The following CPNE4 variants were observed in gnomAD, a reference collection of about 807,000 sequenced individuals.
The protein encoded by CPNE4 is copine-4.
A neutral mutation model predicts 67.9 loss-of-function variants in CPNE4; 25 were observed. That is an observed-to-expected ratio of 0.37 (90% CI 0.27 to 0.51). The LOEUF (loss-of-function observed/expected upper bound fraction) is 0.51. Among genes scored for constraint, CPNE4 ranks in the 20% least tolerant of loss-of-function variants. The probability of loss-of-function intolerance (pLI) is 0.93; values close to 1 mark genes in which losing one functional copy is unlikely to be tolerated. For missense variants in CPNE4, 464 were observed against 690.8 expected (o/e 0.67, Z 3.68); for synonymous variants, 242 against 244.9 (o/e 0.99, Z 0.11).
intron 2 of CPNE4, among the ~76,000 whole-genome samples, chr3:131,832,607 T>C (rs918267561): frequency 6.6e-6 from 1 of 152,202 alleles, no homozygotes; most frequent in Non-Finnish European, 1.5e-5. Flanking sequence ...TCTTATTTCT[T>C]CCTTTTGGAA....
intron 7 of CPNE4, among the ~76,000 whole-genome samples, chr3:131,640,466 G>T (rs1012368663): frequency 6.6e-6 from 1 of 152,076 alleles, no homozygotes; most frequent in Non-Finnish European, 1.5e-5. Flanking sequence ...CCAAGGATGT[G>T]AAAGACTTCT....
chr3:131,536,406 C>A (rs1285231248), intron 15 of CPNE4, among the ~76,000 whole-genome samples: 1 of 152,194 alleles, frequency 6.6e-6, no homozygotes, highest in Non-Finnish European at 1.5e-5. Context: ...CAAGCAATTT[C>A]AATGGCCTGA....
intron 2 of CPNE4, among the ~76,000 whole-genome samples, chr3:131,782,170 G>A (rs1234169573): frequency 6.6e-6 from 1 of 152,062 alleles, no homozygotes; most frequent in Admixed American, 6.6e-5. Context: ...CAACCAAGGA[G>A]GTCAAGCTTT....
chr3:131,977,614 T>C (rs762815737), intron 1 of CPNE4, among the ~76,000 whole-genome samples: 14 of 152,144 alleles, frequency 9.2e-5, no homozygotes, highest in South Asian at 8.3e-4. Flanking sequence ...ACTGCTATGG[T>C]ATTCAGTTTC....
chr3:131,961,121 T>C (rs1004541266), intron 1 of CPNE4, among the ~76,000 whole-genome samples: 3 of 152,190 alleles, frequency 2.0e-5, no homozygotes, highest in Non-Finnish European at 4.4e-5. Context: ...TGGTTCTTCA[T>C]CCAGGGCATT....
intron 3 of CPNE4, among the ~76,000 whole-genome samples, chr3:131,715,253 T>C (rs1481290653): frequency 1.3e-5 from 2 of 152,118 alleles, no homozygotes; most frequent in East Asian, 3.9e-4. Context: ...GTAAATTCAG[T>C]AGAGAAGCCC....
intron 2 of CPNE4, among the ~76,000 whole-genome samples, chr3:131,735,658 A>T (rs948167617): frequency 6.6e-6 from 1 of 152,264 alleles, no homozygotes; most frequent in Non-Finnish European, 1.5e-5. Flanking sequence ...GTGTTAAGAA[A>T]ATATACATCT....
At chr3:131,724,993 C>A (rs966901015) in intron 2 of CPNE4, among the ~76,000 whole-genome samples, 2 of 152,038 alleles carry the variant, frequency 1.3e-5, no homozygotes, top group African/African-American at 2.4e-5. Flanking sequence ...CTAGAGATAC[C>A]CATCCTTCCT....
rs185449298 is a variant in CPNE4, at chr3:131,734,251, C to T, written c.181-10626G>A. ...ACTTTGTTGTAAATCAGGAGGCAGTCACCCCTCCATAACACTTTGCTCTTA... is the reference window on the plus strand; with the variant it reads ...ACTTTGTTGTAAATCAGGAGGCAGTTACCCCTCCATAACACTTTGCTCTTA... On this transcript the variant is annotated intron_variant, in intron 2 of 15. Coordinates refer to ENST00000429747, the MANE Select transcript of CPNE4 (RefSeq NM_130808.3). 2.0e-5 allele frequency among the ~76,000 whole-genome samples: 3 copies of T among 152,306 alleles called. No individual in the cohort carries two copies. In the East Asian group the frequency reaches 5.8e-4, roughly 29 times the overall value.
chr3:131,555,574 A>T, intron 11 of CPNE4, 23 bp from the exon 12 acceptor site: 1 of 1,606,180 alleles, frequency 6.2e-7, no homozygotes, highest in Non-Finnish European at 8.5e-7. Context: ...TGAAGAAAAG[A>T]AAAAACAAGA....
At chr3:131,678,054 T>G in intron 6 of CPNE4, among the ~76,000 whole-genome samples, 1 of 152,220 alleles carries the variant, frequency 6.6e-6, no homozygotes, top group Non-Finnish European at 1.5e-5. Context: ...TGATTATTCC[T>G]ATGCATGAGC....
Position 131,794,243 on chromosome 3 carries a change from T to TTA in CPNE4, c.181-70619_181-70618insTA, listed in dbSNP as rs202128955. ...ATCCAGTTCAATTTTGGAAACAACT[T>TTA]TTTTTTTTTTTTTTAGATGGAGTCT... On this transcript the variant is annotated intron_variant, in intron 2 of 15. Transcript: ENST00000429747. Among the ~76,000 whole-genome samples the TTA allele has an allele frequency of 7.2e-3, 1,022 of 142,008 alleles. 6 individuals carry two copies. Among genetic ancestry groups the TTA allele is most frequent in the Non-Finnish European group, 0.012 (766 of 64,366 alleles). The allele number at this position is 142,008 out of a possible 152,430, so 93.2% of individuals were successfully genotyped here.
At chr3:131,602,649 A>G (rs1336495664) in intron 7 of CPNE4, among the ~76,000 whole-genome samples, 1 of 152,152 alleles carries the variant, frequency 6.6e-6, no homozygotes, top group African/African-American at 2.4e-5. Context: ...ACTACTCCTT[A>G]GGAGGACTGA....
chr3:131,853,121 C>T (rs1205940566), intron 2 of CPNE4, among the ~76,000 whole-genome samples: 5 of 151,474 alleles, frequency 3.3e-5, no homozygotes, highest in Admixed American at 6.6e-5. Context: ...AGAGCCAAAG[C>T]AATTTGAAAA....
Position 131,575,105 on chromosome 3 carries a change from T to C in CPNE4, c.893A>G (p.Asp298Gly). The change falls in exon 10 of 16, where the codon GAC becomes GGC. Residue 298 changes from aspartate to glycine, a missense_variant. Transcript: ENST00000429747. ...GATTTGGCAGCCACCCATGATGTAG[T>C]CCAAGAAAGAATGCATCTTGTGAAT... Reference protein sequence around the residue: ...CKIHKMHSFLDYIMGGCQIQF... With the variant: ...CKIHKMHSFLGYIMGGCQIQF... 2.5e-6 allele frequency: 4 copies of C among 1,612,760 alleles called. No homozygotes were observed. The highest frequency in any genetic ancestry group is 3.4e-6 in the Non-Finnish European group (4 of 1,179,112).
chr3:131,685,802 A>AT, intron 6 of CPNE4, 73 bp downstream of exon 6: 2 of 995,886 alleles, frequency 2.0e-6, no homozygotes, highest in Non-Finnish European at 3.1e-6. Context: ...ACACACAAAA[A>AT]GGAGTTTCTC....
At chr3:131,914,342 A>G (rs1007773470) in intron 1 of CPNE4, among the ~76,000 whole-genome samples, 2 of 152,174 alleles carry the variant, frequency 1.3e-5, no homozygotes, top group Non-Finnish European at 2.9e-5. Context: ...ACCACAGAAC[A>G]TCTTCCAAAA....
chr3:132,018,415 G>A (rs1378823942), intron 1 of CPNE4, among the ~76,000 whole-genome samples: 1 of 152,206 alleles, frequency 6.6e-6, no homozygotes, highest in Non-Finnish European at 1.5e-5. Flanking sequence ...CAAGTTGTCA[G>A]GGGTTTGCTA....
intron 7 of CPNE4, among the ~76,000 whole-genome samples, chr3:131,609,155 A>AC (rs902474881): frequency 2.6e-5 from 4 of 152,064 alleles, no homozygotes; most frequent in Non-Finnish European, 4.4e-5. Flanking sequence ...ATGTATATTT[A>AC]CCCCCAAAAC....
Sources: gnomAD v4.1 joint callset for allele counts (sites outside exome capture counted in the v4.1 genomes callset) on GRCh38, gnomAD v4.1.1 for gene constraint, MANE v1.5 for transcripts, NCBI Gene and HGNC (gene_info 2026-07-23, HGNC 2026-07-21) for gene names.